Variants in LAD1 observed in about 807,000 individuals in gnomAD.
The protein encoded by LAD1 is ladinin-1.
LAD1 carries 53 observed loss-of-function variants against 54.2 expected under a neutral mutation model. The ratio of observed to expected loss-of-function variants is 0.98; its 90% CI spans 0.78 to 1.23. The LOEUF (loss-of-function observed/expected upper bound fraction) is 1.23. Ranked by LOEUF, LAD1 falls within the 50% of genes most tolerant of loss-of-function variation. The pLI, the probability that LAD1 is intolerant of heterozygous loss-of-function variation, is 0.00. For synonymous variants in LAD1, 231 were observed against 257.7 expected, an observed-to-expected ratio of 0.90 and a Z score of 0.99; for missense variants, 637 against 653.3, an observed-to-expected ratio of 0.98 and a Z score of 0.27.
chr1:201,386,256 G>A, intron 3 of LAD1, 79 bp downstream of exon 3: 1 of 1,333,724 alleles, frequency 7.5e-7, no homozygotes. Context: ...AGGGAACCAG[G>A]GACTACCTGG....
At chr1:201,394,093 C>T (rs1027398793) in intron 1 of LAD1, among the ~76,000 whole-genome samples, 2 of 152,106 alleles carry the variant, frequency 1.3e-5, no homozygotes, top group Non-Finnish European at 2.9e-5. Flanking sequence ...GAGAAACAAC[C>T]GCAGGATAGG....
Position 201,381,906 on chromosome 1 carries a change from G to A in LAD1, c.1549-13C>T. 6.2e-7 allele frequency: 1 copy of A among 1,613,570 alleles called. No individual in the cohort carries two copies. Among genetic ancestry groups the A allele is most frequent in the South Asian group, 1.1e-5 (1 of 91,000 alleles). On this transcript the variant is annotated splice_polypyrimidine_tract_variant and intron_variant, in intron 9 of 9. Coordinates refer to ENST00000391967, the MANE Select transcript of LAD1 (RefSeq NM_005558.4). ...GGGCTTGTCACACCTGTGGGGCAAA[G>A]AGCTGTTAGCACAAGTCAATGGGGT...
At chr1:201,385,659 G>A (rs763834759) in intron 4 of LAD1, 42 bp downstream of exon 4, 9 of 1,409,466 alleles carry the variant, frequency 6.4e-6, no homozygotes, top group Non-Finnish European at 9.1e-6. Flanking sequence ...TCCTCCACTT[G>A]CCCTCCAGTG....
In LAD1 at chr1:201,399,302, G is replaced by A. The variant is rs1662364009; in HGVS notation, c.5C>T (p.Ala2Val). The A allele has an allele frequency of 6.5e-7, 1 of 1,542,964 alleles. No individual in the cohort carries two copies. The highest frequency in any genetic ancestry group is 2.4e-5 in the East Asian group (1 of 41,352). The part of the protein sequence containing the change: M[A>V]VSRKDWSALS... ...CGCGGACCAGTCCTTCCTGCTGACA[G>A]CCATGCTGCAGGAGCCCCGCGTGGC... The change falls in exon 1 of 10, where the codon GCT (alanine) becomes GTT (valine). Residue 2 changes from alanine (A) to valine (V), a missense_variant. Ala to Val is a moderately conservative substitution (Grantham distance 64). Transcript: ENST00000391967.
Position 201,381,842 on chromosome 1 carries a change from AG to A in LAD1, c.*45del. ...GAGAGGCAGGGGCCTGGCATGAGGG[AG>A]GTCCCTTGAGACGAAGACTTGCAGG... On this transcript the variant is annotated 3_prime_UTR_variant, in exon 10 of 10. Transcript: ENST00000391967. 6.2e-7 allele frequency: 1 copy of A among 1,606,168 alleles called. No individual in the cohort carries two copies. Among genetic ancestry groups the A allele is most frequent in the Non-Finnish European group, 8.5e-7 (1 of 1,172,834 alleles).
At position 201,381,100 on chromosome 1, in the gene LAD1, G is replaced by A. The variant is rs1661946676; in HGVS notation, c.*788C>T. 1 of 152,574 alleles carries A rather than the reference G, an allele frequency of 6.6e-6. No individual in the cohort carries two copies. Among genetic ancestry groups the A allele is most frequent in the Non-Finnish European group, 1.5e-5 (1 of 68,154 alleles). 9.5% of individuals were successfully genotyped at this position (152,574 alleles called of 1,614,324 possible). A position where few individuals can be genotyped will look rare whatever the true frequency, so the allele number is the denominator to read the frequency against. On this transcript the variant is annotated 3_prime_UTR_variant, in exon 10 of 10. Coordinates refer to ENST00000391967, the MANE Select transcript of LAD1 (RefSeq NM_005558.4). ...GAGTGGCAAGCCACCACCTTAATGTGAGAAGAGGGGGGATGAGGAAAATGA... is the reference window on the plus strand; with the variant it reads ...GAGTGGCAAGCCACCACCTTAATGTAAGAAGAGGGGGGATGAGGAAAATGA...
At chr1:201,394,702 A>G (rs1435945812) in intron 1 of LAD1, among the ~76,000 whole-genome samples, 3 of 152,182 alleles carry the variant, frequency 2.0e-5, no homozygotes, top group Non-Finnish European at 4.4e-5. Flanking sequence ...CTGCTGGCTT[A>G]CACGTGAGGC....
intron 7 of LAD1, 105 bp downstream of exon 7, chr1:201,382,969 T>C (rs898604385): frequency 5.9e-6 from 8 of 1,356,982 alleles, no homozygotes; most frequent in Admixed American, 4.3e-5. Context: ...CCAACATTAA[T>C]TGACACATGA....
chr1:201,384,676 A>T (rs1259598849), intron 5 of LAD1, 116 bp downstream of exon 5: 4 of 1,006,872 alleles, frequency 4.0e-6, no homozygotes, highest in Non-Finnish European at 6.3e-6. Flanking sequence ...CAAGGACTGC[A>T]CCTTCCCCTC....
In LAD1 at chr1:201,383,434, G is replaced by C. The variant is rs200780279; in HGVS notation, c.1176-45C>G. On this transcript the variant is annotated intron_variant, in intron 5 of 9. Coordinates refer to ENST00000391967, the MANE Select transcript of LAD1 (RefSeq NM_005558.4). ...ACAGGCGAGCCAAGTGAGACACCCA[G>C]GGAGACCAGGCCTGCCCCCAGGGCC... 4 of 1,583,220 alleles carry C rather than the reference G, an allele frequency of 2.5e-6. No homozygotes were observed. The East Asian group carries it at 6.7e-5, about 27-fold the overall frequency.
intron 8 of LAD1, among the ~76,000 whole-genome samples, 153 bp downstream of exon 8, chr1:201,382,500 C>T (rs1044260272): frequency 6.6e-6 from 1 of 150,656 alleles, no homozygotes; most frequent in African/African-American, 2.5e-5. Context: ...CATCTATTCC[C>T]GACTGCCTCC....
intron 3 of LAD1, 87 bp downstream of exon 3, chr1:201,386,248 G>C: frequency 1.6e-6 from 2 of 1,289,298 alleles, no homozygotes; most frequent in Non-Finnish European, 2.0e-6. Flanking sequence ...AGGCAGCCAG[G>C]GAACCAGGGA....
At chr1:201,387,581 C>T (rs139093545) in intron 2 of LAD1, among the ~76,000 whole-genome samples, 4 of 152,278 alleles carry the variant, frequency 2.6e-5, no homozygotes, top group South Asian at 2.1e-4. Flanking sequence ...ACAGCTGATT[C>T]GTGGGGGAGC....
chr1:201,383,480 C>T (rs1445356141), intron 5 of LAD1, 91 bp from the exon 6 acceptor site: 7 of 1,194,978 alleles, frequency 5.9e-6, no homozygotes, highest in South Asian at 2.4e-5. Context: ...CCCCATCACA[C>T]GTTCTCATTG....
intron 9 of LAD1, 113 bp from the exon 10 acceptor site, chr1:201,382,006 T>G: frequency 8.5e-7 from 1 of 1,169,746 alleles, no homozygotes; most frequent in Non-Finnish European, 1.2e-6. Flanking sequence ...CCACAAGGAG[T>G]CAGAGCCCTG....
Position 201,381,647 on chromosome 1 carries a change from T to TG in LAD1, c.*240_*241insC, listed in dbSNP as rs1661961479. On this transcript the variant is annotated 3_prime_UTR_variant, in exon 10 of 10. Transcript: ENST00000391967. Reference sequence around the variant, plus strand: ...TGCTGTGACCTGGGCAGAGACTGGGTCCCAGCATCTGTTGTGCCTGCCGCA... The same window carrying TG: ...TGCTGTGACCTGGGCAGAGACTGGGTGCCCAGCATCTGTTGTGCCTGCCGCA... 3 of 604,762 alleles carry TG rather than the reference T, an allele frequency of 5.0e-6. No individual in the cohort carries two copies. In the East Asian group the frequency reaches 8.6e-5, roughly 17 times the overall value. 37.5% of individuals were successfully genotyped at this position (604,762 alleles called of 1,614,324 possible).
chr1:201,395,358 G>C (rs1662270303), intron 1 of LAD1, among the ~76,000 whole-genome samples: 1 of 152,172 alleles, frequency 6.6e-6, no homozygotes, highest in Admixed American at 6.5e-5. Context: ...GGCACTTCTT[G>C]AACATGGTGA....
chr1:201,386,010 AG>A (rs1462246395), intron 3 of LAD1, among the ~76,000 whole-genome samples: 1 of 152,108 alleles, frequency 6.6e-6, no homozygotes, highest in Non-Finnish European at 1.5e-5. Flanking sequence ...AGAGCTTTCC[AG>A]GGGAGCTTCT....
Position 201,387,070 on chromosome 1 carries a change from C to T in LAD1, c.291G>A (p.Gln97=). 1 of 1,611,906 alleles carries T rather than the reference C, an allele frequency of 6.2e-7. No individual in the cohort carries two copies. Among genetic ancestry groups the T allele is most frequent in the East Asian group, 2.2e-5 (1 of 44,876 alleles). Reference sequence around the variant, plus strand: ...GTGCAGCCTCCACCACCTGCCGCCTCTGCCTCCGCTCCTGCCGTGTTCTGA... The same window carrying T: ...GTGCAGCCTCCACCACCTGCCGCCTTTGCCTCCGCTCCTGCCGTGTTCTGA... ...SILRTRQERR[Q]RRQVVEAAQA... Residue 97 remains glutamine, a synonymous_variant, in exon 3 of 10, where the codon CAG becomes CAA. Transcript: ENST00000391967.
Sources: gnomAD v4.1 joint callset for allele counts (sites outside exome capture counted in the v4.1 genomes callset) on GRCh38, gnomAD v4.1.1 for gene constraint, MANE v1.5 for transcripts, NCBI Gene and HGNC (gene_info 2026-07-23, HGNC 2026-07-21) for gene names.